ZNF536: variants seen among roughly 807,000 people sequenced by gnomAD.
The protein encoded by ZNF536 is zinc finger protein 536.
In ZNF536, 13 loss-of-function variants were observed where a neutral mutation model predicts 84.5. That is an observed-to-expected ratio of 0.15 (90% confidence interval 0.10 to 0.24). The LOEUF is 0.24. Among genes scored for constraint, ZNF536 ranks in the 10% least tolerant of loss-of-function variants. The pLI is 1.00. For missense variants in ZNF536, 1,536 were observed against 1,747.5 expected (o/e 0.88, Z 2.16); for synonymous variants, 811 against 742.5 (o/e 1.09, Z -1.50).
chr19:30,472,410 G>A (rs181946354), intron 2 of ZNF536, among the ~76,000 whole-genome samples: 8 of 152,224 alleles, frequency 5.3e-5, no homozygotes, highest in Admixed American at 4.6e-4. Flanking sequence ...TCACTGCGAC[G>A]GCTGCCTGGG....
intron 3 of ZNF536, among the ~76,000 whole-genome samples, chr19:30,362,145 G>T (rs2146893770): frequency 6.6e-6 from 1 of 152,272 alleles, no homozygotes; most frequent in African/African-American, 2.4e-5. Context: ...CTTCACCATC[G>T]TCCATGGCCC....
intron 1 of ZNF536, among the ~76,000 whole-genome samples, chr19:30,237,054 T>C (rs1422918609): frequency 6.6e-6 from 1 of 151,704 alleles, no homozygotes; most frequent in Non-Finnish European, 1.5e-5. Context: ...TTTTTTTTTT[T>C]TTCTTCTAGG....
At chr19:30,472,648 A>T (rs2053684463) in intron 2 of ZNF536, among the ~76,000 whole-genome samples, 1 of 152,176 alleles carries the variant, frequency 6.6e-6, no homozygotes, top group South Asian at 2.1e-4. Context: ...TACTGATGTG[A>T]TCAAATGGAC....
intron 1 of ZNF536, among the ~76,000 whole-genome samples, chr19:30,280,907 C>T (rs2045419225): frequency 6.6e-6 from 1 of 152,160 alleles, no homozygotes; most frequent in African/African-American, 2.4e-5. Flanking sequence ...GGGGCCCGTG[C>T]AGGGCTAGCT....
intron 3 of ZNF536, among the ~76,000 whole-genome samples, chr19:30,366,663 T>TC (rs1568362865): frequency 2.0e-5 from 3 of 152,098 alleles, no homozygotes; most frequent in African/African-American, 7.2e-5. Flanking sequence ...CCCTTTCCAC[T>TC]CCCTCTCTTC....
chr19:30,396,640 G>C (rs917224181), intron 1 of ZNF536, among the ~76,000 whole-genome samples: 1 of 135,452 alleles, frequency 7.4e-6, no homozygotes, highest in African/African-American at 2.8e-5. Context: ...TGTCGCCCAG[G>C]CTGGAGTGCC....
intron 1 of ZNF536, among the ~76,000 whole-genome samples, chr19:30,237,365 T>A (rs978615694): frequency 6.6e-6 from 1 of 152,088 alleles, no homozygotes; most frequent in South Asian, 2.1e-4. Flanking sequence ...GTGGAGGCCA[T>A]TGTGAAAGGG....
intron 1 of ZNF536, among the ~76,000 whole-genome samples, chr19:30,282,702 T>C (rs1390027331): frequency 6.6e-6 from 1 of 152,072 alleles, no homozygotes; most frequent in East Asian, 1.9e-4. Flanking sequence ...AGCTCAGCGA[T>C]AGGACAGAAC....
At chr19:30,651,307 T>G (rs139720781) in intron 1 of ZNF536, among the ~76,000 whole-genome samples, 1 of 152,316 alleles carries the variant, frequency 6.6e-6, no homozygotes, top group East Asian at 1.9e-4. Context: ...AGCGCCCCAG[T>G]TGGGCACTGT....
intron 1 of ZNF536, among the ~76,000 whole-genome samples, chr19:30,645,904 C>T (rs952238718): frequency 3.9e-5 from 6 of 152,258 alleles, no homozygotes; most frequent in Middle Eastern, 3.4e-3. Flanking sequence ...GCGAACAACA[C>T]GTCTGCATTT....
intron 2 of ZNF536, among the ~76,000 whole-genome samples, chr19:30,493,930 C>T (rs1033660673): frequency 2.6e-5 from 4 of 152,250 alleles, no homozygotes; most frequent in Admixed American, 6.5e-5. Context: ...CCGAGAAGCA[C>T]AGAGAGCAAT....
intron 2 of ZNF536, among the ~76,000 whole-genome samples, chr19:30,508,553 G>A (rs183636366): frequency 2.6e-5 from 4 of 152,192 alleles, no homozygotes; most frequent in East Asian, 1.9e-4. Context: ...GAGTCTTTGC[G>A]GCCCACAGAG....
chr19:30,401,221 T>A (rs191418179), intron 1 of ZNF536, among the ~76,000 whole-genome samples: 68 of 152,290 alleles, frequency 4.5e-4, no homozygotes, highest in African/African-American at 1.5e-3. Context: ...TCTGTTCCAT[T>A]GATCTATCTA....
chr19:30,662,249 C>T (rs1206696241), intron 1 of ZNF536, among the ~76,000 whole-genome samples: 4 of 152,184 alleles, frequency 2.6e-5, no homozygotes, highest in East Asian at 1.9e-4. Context: ...TGAAAAATGC[C>T]GTAAACAGAC....
rs190615346 is a variant in ZNF536 at position 30,498,418 on chromosome 19, A to T, written c.2171-36429A>T. Among the ~76,000 whole-genome samples the T allele has an allele frequency of 3.6e-3, 552 of 152,076 alleles. 10 individuals are homozygous for T. Among genetic ancestry groups the T allele is most frequent in the Admixed American group, 0.031 (480 of 15,258 alleles). ...ACACATGGACACAGGGAGGGGAACA[A>T]CACACACTGGGGCCTGTCAGGGAGT... On this transcript the variant is annotated intron_variant, in intron 2 of 4. Transcript: ENST00000355537.
chr19:30,305,960 G>A (rs1377563640), intron 2 of ZNF536, among the ~76,000 whole-genome samples: 1 of 152,142 alleles, frequency 6.6e-6, no homozygotes, highest in Non-Finnish European at 1.5e-5. Flanking sequence ...TCTGACAGAG[G>A]GTCACATCGG....
intron 1 of ZNF536, among the ~76,000 whole-genome samples, chr19:30,617,045 G>C (rs2048320722): frequency 6.6e-6 from 1 of 151,840 alleles, no homozygotes; most frequent in South Asian, 2.1e-4. Flanking sequence ...GAAGATACTT[G>C]GTTCCTCGTT....
At chr19:30,576,012 G>A (rs1019653866) in intron 1 of ZNF536, among the ~76,000 whole-genome samples, 8 of 152,226 alleles carry the variant, frequency 5.3e-5, no homozygotes, top group African/African-American at 1.7e-4. Flanking sequence ...ACACTGAGAA[G>A]GGCTCGGCTC....
At chr19:30,263,717 C>T (rs1044142742) in intron 1 of ZNF536, among the ~76,000 whole-genome samples, 3 of 152,100 alleles carry the variant, frequency 2.0e-5, no homozygotes, top group African/African-American at 7.2e-5. Flanking sequence ...TGTGTGTGCA[C>T]GCGTGTGTGT....
Sources: allele counts gnomAD v4.1 joint callset (sites outside exome capture counted in the v4.1 genomes callset), GRCh38; gene constraint gnomAD v4.1.1; transcripts MANE v1.5; gene names NCBI Gene and HGNC (gene_info 2026-07-23, HGNC 2026-07-21).